Variants in OR7A5 observed in about 807,000 individuals in gnomAD.
OR7A5 encodes the protein olfactory receptor family 7 subfamily A member 5.
For missense variants in OR7A5, 319 were observed against 377.9 expected (o/e 0.84, Z 1.29); for synonymous variants, 140 against 146.7 (o/e 0.95, Z 0.33).
chr19:14,828,212 T>G lies in OR7A5; in HGVS notation c.30A>C (p.Ser10=), dbSNP rs758464738. The change falls in exon 2 of 2, where the codon TCA becomes TCC. Residue 10 remains serine, a synonymous_variant. Transcript: ENST00000322301. MEPGNDTQI[S]EFLLLGFSQE... ...GTGAAAATCCCAGAAGAAGAAATTCTGAAATTTGTGTATCATTTCCTGGTT... is the reference window on the plus strand; with the variant it reads ...GTGAAAATCCCAGAAGAAGAAATTCGGAAATTTGTGTATCATTTCCTGGTT... 2 of 1,612,638 alleles carry G rather than the reference T, an allele frequency of 1.2e-6. No homozygotes were observed. The highest frequency in any genetic ancestry group is 8.5e-7 in the Non-Finnish European group (1 of 1,178,930).
At chr19:14,831,933 G>A (rs2044837388) in intron 1 of OR7A5, among the ~76,000 whole-genome samples, 1 of 152,080 alleles carries the variant, frequency 6.6e-6, no homozygotes, top group African/African-American at 2.4e-5. Flanking sequence ...TGTTGAGATA[G>A]GGTCTTACTC....
rs2044770355 is a variant in OR7A5, at chr19:14,826,618, TA to T, written c.*663del. The T allele has an allele frequency of 6.6e-6, 1 of 152,226 alleles. No homozygotes were observed. The highest frequency in any genetic ancestry group is 1.5e-5 in the Non-Finnish European group (1 of 68,046). The allele number at this position is 152,226 out of a possible 1,614,324, so 9.4% of individuals were successfully genotyped here. On this transcript the variant is annotated 3_prime_UTR_variant, in exon 2 of 2. Transcript: ENST00000322301. The stretch of plus-strand genomic sequence containing the variant: ...ATTGACAATTTTACTCCATCATATT[TA>T]AGGTCATCTCTGACTGTAAGTCCAT...
At chr19:14,828,415 C>T in intron 1 of OR7A5, 161 bp from the exon 2 acceptor site, 2 of 703,160 alleles carry the variant, frequency 2.8e-6, no homozygotes, top group Non-Finnish European at 4.7e-6. Flanking sequence ...TGATTAGGAA[C>T]TCCTTCCCAC....
chr19:14,834,478 G>A (rs559677162), intron 1 of OR7A5, among the ~76,000 whole-genome samples: 16 of 152,110 alleles, frequency 1.1e-4, no homozygotes, highest in Non-Finnish European at 1.9e-4. Flanking sequence ...ATTCAGCCAC[G>A]CAAGTGAGGA....
At position 14,827,724 on chromosome 19, in the gene OR7A5, T is replaced by G; in HGVS notation, c.518A>C (p.Glu173Ala). 1 of 1,614,116 alleles carries G rather than the reference T, an allele frequency of 6.2e-7. No homozygotes were observed. Among genetic ancestry groups the G allele is most frequent in the Non-Finnish European group, 8.5e-7 (1 of 1,180,006 alleles). ...AAGTTCACAGAAAAAGTGGGGGATT[T>G]CTAAGGCTGTGCAGAAGGACAGCCG... is the stretch of plus-strand genomic sequence containing the variant. ...VVRLSFCTAL[E>A]IPHFFCELNQ... is the part of the protein sequence containing the mutation. The change falls in exon 2 of 2, where the codon GAA (glutamate) becomes GCA (alanine). Residue 173 changes from glutamate to alanine, a missense_variant. Glu to Ala is a moderately radical substitution (Grantham distance 107). Transcript: ENST00000322301.
intron 1 of OR7A5, among the ~76,000 whole-genome samples, chr19:14,831,734 C>T (rs1239355853): frequency 1.3e-5 from 2 of 148,958 alleles, no homozygotes; most frequent in South Asian, 2.1e-4. Flanking sequence ...TGAGCCACCG[C>T]GCCTGGCCTA....
At chr19:14,833,827 T>C (rs1291034292) in intron 1 of OR7A5, among the ~76,000 whole-genome samples, 1 of 131,176 alleles carries the variant, frequency 7.6e-6, no homozygotes, top group Non-Finnish European at 1.7e-5. Flanking sequence ...TGAGCGGGGA[T>C]GGAGTGGGGA....
rs113251988 is a variant in OR7A5 at position 14,827,839 on chromosome 19, T to C, written c.403A>G (p.Ile135Val). 1.9e-5 allele frequency: 31 copies of C among 1,614,180 alleles called. No individual in the cohort carries two copies. In the African/African-American group the frequency reaches 2.4e-4, roughly 12 times the overall value. ...AGTCCACAGAGGTGAGGGTTCATAA[T>C]GACCATGTAGTGCAGGGGGTGACAG... ...AICHPLHYMV[I>V]MNPHLCGLLV... The change falls in exon 2 of 2, where the codon ATT (isoleucine) becomes GTT (valine). Residue 135 changes from isoleucine (I) to valine (V), a missense_variant. Physicochemically the swap from Ile to Val is conservative, Grantham distance 29 (BLOSUM62 3). Transcript: ENST00000322301.
At chr19:14,830,733 C>T (rs749245730) in intron 1 of OR7A5, among the ~76,000 whole-genome samples, 12 of 151,954 alleles carry the variant, frequency 7.9e-5, no homozygotes, top group Non-Finnish European at 1.5e-4. Context: ...CTGTGGAGTC[C>T]TAATTAGGGA....
In OR7A5 at chr19:14,827,186, A is replaced by G. The variant is rs2044775915; in HGVS notation, c.*96T>C. 4.0e-6 allele frequency: 5 copies of G among 1,256,570 alleles called. No homozygotes were observed. In the South Asian group the frequency reaches 1.3e-4, roughly 32 times the overall value. The allele number at this position is 1,256,570 out of a possible 1,614,324, so 77.8% of individuals were successfully genotyped here. A position where few individuals can be genotyped will look rare whatever the true frequency, so the allele number is the denominator to read the frequency against. On this transcript the variant is annotated 3_prime_UTR_variant, in exon 2 of 2. Coordinates refer to ENST00000322301, the MANE Select transcript of OR7A5 (RefSeq NM_017506.2). ...GAAATCACAACAAATTGAAACTCCC[A>G]GAAATATAATAAGTATTAATAGAAG...
chr19:14,834,354 A>T (rs2044863857), intron 1 of OR7A5, among the ~76,000 whole-genome samples: 1 of 152,154 alleles, frequency 6.6e-6, no homozygotes, highest in South Asian at 2.1e-4. Flanking sequence ...AGTGTTTCTC[A>T]ATCTCAGCAC....
rs1599924627 is a variant in OR7A5 at position 14,828,269 on chromosome 19, G to A, written c.-13-15C>T. 6.3e-7 allele frequency: 1 copy of A among 1,580,116 alleles called. No individual in the cohort carries two copies. On this transcript the variant is annotated splice_polypyrimidine_tract_variant and intron_variant, in intron 1 of 1. Coordinates refer to ENST00000322301, the MANE Select transcript of OR7A5 (RefSeq NM_017506.2). The stretch of plus-strand genomic sequence containing the variant: ...GATTGAAGTGACTATCAGAGAGAGA[G>A]AGAGAAAGAGGGAAACGAGACAGGC...
Position 14,827,762 on chromosome 19 carries a change from GA to G in OR7A5, c.479del (p.Ile160ThrfsTer2), listed in dbSNP as rs764275855. Reference sequence around the variant, plus strand: ...AGAAGGACAGCCGTACTACCATTAAGATTTGTAGCAAGGAATACAGAGCACT... The same window carrying G: ...AGAAGGACAGCCGTACTACCATTAAGTTTGTAGCAAGGAATACAGAGCACT... Reference protein sequence around the residue: ...TMSALYSLLQILMVVRLSFCT... With the variant: ...TMSALYSLLQXLMVVRLSFCT... On this transcript the variant is annotated frameshift_variant, in exon 2 of 2. Transcript: ENST00000322301. LOFTEE classifies it low-confidence loss of function (END_TRUNC). The G allele has an allele frequency of 1.9e-6, 3 of 1,614,186 alleles. No individual in the cohort carries two copies. The East Asian group carries it at 6.7e-5, about 36-fold the overall frequency.
At chr19:14,833,296 T>C (rs889829289) in intron 1 of OR7A5, among the ~76,000 whole-genome samples, 1 of 152,220 alleles carries the variant, frequency 6.6e-6, no homozygotes, top group Non-Finnish European at 1.5e-5. Flanking sequence ...CTGGGCAATA[T>C]GGCGAAACGC....
intron 1 of OR7A5, among the ~76,000 whole-genome samples, chr19:14,830,558 C>T (rs1201079655): frequency 2.6e-5 from 4 of 152,102 alleles, no homozygotes; most frequent in South Asian, 2.1e-4. Flanking sequence ...CGATGCCTGG[C>T]AAAATAAATA....
At chr19:14,831,979 G>T (rs1291758371) in intron 1 of OR7A5, among the ~76,000 whole-genome samples, 1 of 152,156 alleles carries the variant, frequency 6.6e-6, no homozygotes, top group Non-Finnish European at 1.5e-5. Context: ...TGCAATCATA[G>T]CTCACTGCAG....
intron 1 of OR7A5, among the ~76,000 whole-genome samples, chr19:14,831,605 C>T (rs551119228): frequency 1.1e-4 from 16 of 152,044 alleles, no homozygotes; most frequent in African/African-American, 3.6e-4. Flanking sequence ...CCACTGTGCC[C>T]GGCTAATTTT....
intron 1 of OR7A5, among the ~76,000 whole-genome samples, chr19:14,831,357 T>C (rs938491109): frequency 3.3e-5 from 5 of 152,202 alleles, no homozygotes; most frequent in African/African-American, 1.2e-4. Context: ...ACTTGATCAA[T>C]TGGTTTTTAT....
In OR7A5 at chr19:14,827,628, A is replaced by G. The variant is rs1244115844; in HGVS notation, c.614T>C (p.Leu205Pro). ...NHMVIYFTVALLGGGPLTGIL... is the reference protein window; with the variant it reads ...NHMVIYFTVAPLGGGPLTGIL... ...CCCAGTCAGGGGACCTCCACCCAGC[A>G]GCGCAACTGTAAAATATATCACCAT... Residue 205 changes from leucine (L) to proline (P), a missense_variant, in exon 2 of 2, where the codon CTG becomes CCG. Transcript: ENST00000322301. 6.2e-7 allele frequency: 1 copy of G among 1,614,178 alleles called. No individual in the cohort carries two copies. Among genetic ancestry groups the G allele is most frequent in the Admixed American group, 1.7e-5 (1 of 60,024 alleles).
Sources: allele counts gnomAD v4.1 joint callset (sites outside exome capture counted in the v4.1 genomes callset), GRCh38; gene constraint gnomAD v4.1.1; transcripts MANE v1.5; gene names NCBI Gene and HGNC (gene_info 2026-07-23, HGNC 2026-07-21).